ADGRB3: variants seen among roughly 807,000 people sequenced by gnomAD.
ADGRB3 encodes the protein adhesion G protein-coupled receptor B3, also known as brain-specific angiogenesis inhibitor 3.
Under a neutral mutation model 193.4 loss-of-function variants are expected in ADGRB3, and 37 were observed. That is an observed-to-expected ratio of 0.19 (90% confidence interval 0.15 to 0.25). The LOEUF is 0.25. ADGRB3 is among the 10% of genes least tolerant of loss of function. The pLI, the probability that ADGRB3 is intolerant of heterozygous loss-of-function variation, is 1.00. For synonymous variants in ADGRB3, 690 were observed against 644.2 expected, an observed-to-expected ratio of 1.07 and a Z score of -1.08; for missense variants, 1,637 against 1,852.9, an observed-to-expected ratio of 0.88 and a Z score of 2.14.
At chr6:69,095,950 A>G (rs575421981) in intron 17 of ADGRB3, among the ~76,000 whole-genome samples, 1 of 152,346 alleles carries the variant, frequency 6.6e-6, no homozygotes, top group East Asian at 1.9e-4. Flanking sequence ...TTCAGAGCAG[A>G]TATAAATAAT....
intron 3 of ADGRB3, among the ~76,000 whole-genome samples, chr6:68,808,745 G>GA (rs1021383275): frequency 4.6e-5 from 7 of 151,812 alleles, no homozygotes; most frequent in African/African-American, 1.7e-4. Context: ...AAAGGAGGAG[G>GA]AAAAAAGGGG....
intron 3 of ADGRB3, among the ~76,000 whole-genome samples, chr6:68,639,966 T>G (rs1768045424): frequency 6.6e-6 from 1 of 152,172 alleles, no homozygotes; most frequent in African/African-American, 2.4e-5. Context: ...TTGGACCAAA[T>G]GACTTCCTGA....
rs193027511 is a variant in ADGRB3 at position 68,760,637 on chromosome 6, A to C, written c.757+121205A>C. Among the ~76,000 whole-genome samples the C allele has an allele frequency of 7.9e-5, 12 of 152,334 alleles. No individual in the cohort carries two copies. The East Asian group carries it at 2.3e-3, about 29-fold the overall frequency. On this transcript the variant is annotated intron_variant, in intron 3 of 31. Transcript: ENST00000370598. ...CGTAATGTCTACACAATTCTATTAA[A>C]TGGTGGTTCCTGGCAAAGAATCTGT...
chr6:69,349,996 T>C (rs1029003197), intron 26 of ADGRB3, among the ~76,000 whole-genome samples: 1 of 152,150 alleles, frequency 6.6e-6, no homozygotes, highest in Admixed American at 6.6e-5. Flanking sequence ...AATGACGCGC[T>C]ACCAGCTGCC....
At chr6:69,327,006 A>G (rs557509593) in intron 21 of ADGRB3, among the ~76,000 whole-genome samples, 3 of 152,316 alleles carry the variant, frequency 2.0e-5, no homozygotes, top group African/African-American at 7.2e-5. Flanking sequence ...GAAGGCTCAC[A>G]GAAGAGAATA....
intron 31 of ADGRB3, among the ~76,000 whole-genome samples, chr6:69,385,416 T>C (rs1770049119): frequency 6.6e-6 from 1 of 151,990 alleles, no homozygotes; most frequent in Admixed American, 6.6e-5. Context: ...GGACAGCCAG[T>C]GTGCTCTGGA....
intron 13 of ADGRB3, among the ~76,000 whole-genome samples, chr6:69,027,973 A>T (rs1279750185): frequency 3.3e-5 from 5 of 152,150 alleles, no homozygotes; most frequent in African/African-American, 1.2e-4. Context: ...TTGGCTTTTT[A>T]AAAATATGTT....
At chr6:69,014,976 C>T (rs1489321957) in intron 12 of ADGRB3, among the ~76,000 whole-genome samples, 2 of 151,642 alleles carry the variant, frequency 1.3e-5, no homozygotes, top group Non-Finnish European at 2.9e-5. Context: ...GTGGGGCTGC[C>T]TCATTATTAG....
chr6:68,901,673 C>G (rs1455224404), intron 3 of ADGRB3, among the ~76,000 whole-genome samples: 1 of 152,034 alleles, frequency 6.6e-6, no homozygotes, highest in Non-Finnish European at 1.5e-5. Flanking sequence ...GGAAAAAAGT[C>G]ATACATTAAA....
At chr6:69,279,416 A>G (rs1767383055) in intron 20 of ADGRB3, among the ~76,000 whole-genome samples, 1 of 151,572 alleles carries the variant, frequency 6.6e-6, no homozygotes. Context: ...TTGTTTTCAC[A>G]CCATCGTAAA....
At chr6:68,785,181 G>C (rs1400242097) in intron 3 of ADGRB3, among the ~76,000 whole-genome samples, 2 of 151,908 alleles carry the variant, frequency 1.3e-5, no homozygotes, top group South Asian at 2.1e-4. Flanking sequence ...TGTACTTTAA[G>C]TTTTAGGGTA....
chr6:69,309,805 C>A (rs1561983677), intron 20 of ADGRB3, among the ~76,000 whole-genome samples: 1 of 151,490 alleles, frequency 6.6e-6, no homozygotes, highest in Non-Finnish European at 1.5e-5. Context: ...TTGACTACTG[C>A]CACGCTTCAC....
At chr6:68,855,324 C>T (rs1349733869) in intron 3 of ADGRB3, among the ~76,000 whole-genome samples, 2 of 152,110 alleles carry the variant, frequency 1.3e-5, no homozygotes, top group Admixed American at 6.5e-5. Flanking sequence ...AAATAGTTTC[C>T]TGTCCACTGT....
chr6:69,372,688 G>A (rs538714939), intron 30 of ADGRB3, among the ~76,000 whole-genome samples: 7 of 151,974 alleles, frequency 4.6e-5, no homozygotes, highest in African/African-American at 7.2e-5. Flanking sequence ...TACATACTAC[G>A]ATAAGTGAAC....
At chr6:69,027,936 A>G (rs186431012) in intron 13 of ADGRB3, among the ~76,000 whole-genome samples, 49 of 152,326 alleles carry the variant, frequency 3.2e-4, no homozygotes, top group African/African-American at 9.9e-4. Context: ...AATGCCTGTA[A>G]AGTTTAGAAT....
intron 17 of ADGRB3, among the ~76,000 whole-genome samples, chr6:69,167,362 A>T (rs368203871): frequency 1.6e-4 from 24 of 152,292 alleles, no homozygotes; most frequent in African/African-American, 5.5e-4. Flanking sequence ...ACATAATTAG[A>T]TATGTATATT....
intron 3 of ADGRB3, among the ~76,000 whole-genome samples, chr6:68,680,135 A>G (rs896189099): frequency 3.9e-5 from 6 of 152,186 alleles, no homozygotes; most frequent in Non-Finnish European, 7.3e-5. Context: ...TTAGATTTCT[A>G]GCCTCCAGAA....
At position 68,696,491 on chromosome 6, in the gene ADGRB3, G is replaced by T. The variant is rs553207883; in HGVS notation, c.757+57059G>T. On this transcript the variant is annotated intron_variant, in intron 3 of 31. Transcript: ENST00000370598. The stretch of plus-strand genomic sequence containing the variant: ...TGGAAGTAAAATCAAAATCACAACT[G>T]AATTAACGAAAGTTTTTGGATAAGG... Among the ~76,000 whole-genome samples, 175 of 151,584 alleles carry T rather than the reference G, an allele frequency of 1.2e-3. 1 individual carries two copies. The highest frequency in any genetic ancestry group is 4.0e-3 in the African/African-American group (167 of 41,432).
At position 69,023,940 on chromosome 6, in the gene ADGRB3, TGTGA is replaced by T. The variant is rs1473143075; in HGVS notation, c.2107+5444_2107+5447del. Among the ~76,000 whole-genome samples, 44 of 152,152 alleles carry T rather than the reference TGTGA, an allele frequency of 2.9e-4. 1 individual carries two copies. The highest frequency in any genetic ancestry group is 2.0e-4 in the Admixed American group (3 of 15,268). Reference sequence around the variant, plus strand: ...ATATTATGTTTATTCAACATAAATTTGTGAGTATTTTTGACATATTAATATTTAG... The same window carrying T: ...ATATTATGTTTATTCAACATAAATTTGTATTTTTGACATATTAATATTTAG... On this transcript the variant is annotated intron_variant, in intron 13 of 31. Coordinates refer to ENST00000370598, the MANE Select transcript of ADGRB3 (RefSeq NM_001704.3).
Sources: allele counts gnomAD v4.1 joint callset (sites outside exome capture counted in the v4.1 genomes callset), GRCh38; gene constraint gnomAD v4.1.1; transcripts MANE v1.5; gene names NCBI Gene and HGNC (gene_info 2026-07-23, HGNC 2026-07-21).